DLGAP2: variants seen among roughly 807,000 people sequenced by gnomAD.
DLGAP2 encodes DLG associated protein 2.
Under a neutral mutation model 100.3 loss-of-function variants are expected in DLGAP2, and 26 were observed. The observed-to-expected ratio is 0.26, with a 90% CI of 0.19 to 0.36. DLGAP2 has a LOEUF of 0.36. Among genes scored for constraint, DLGAP2 ranks in the 10% least tolerant of loss-of-function variants. The pLI, the probability that DLGAP2 is intolerant of heterozygous loss-of-function variation, is 1.00. For missense variants in DLGAP2, 1,858 were observed against 1,453.2 expected, an observed-to-expected ratio of 1.28 and a Z score of -4.53; for synonymous variants, 886 against 630.1, an observed-to-expected ratio of 1.41 and a Z score of -6.08.
At chr8:1,530,635 T>C (rs1800958425) in intron 4 of DLGAP2, among the ~76,000 whole-genome samples, 1 of 152,212 alleles carries the variant, frequency 6.6e-6, no homozygotes, top group African/African-American at 2.4e-5. Flanking sequence ...TTACAGTTTA[T>C]GTTTAGAGAC....
At chr8:1,492,481 G>A (rs139517359) in intron 3 of DLGAP2, among the ~76,000 whole-genome samples, 187 of 152,350 alleles carry the variant, frequency 1.2e-3, no homozygotes, top group African/African-American at 4.4e-3. Flanking sequence ...CTCTCAGAGG[G>A]CTGCTTCTGC....
At chr8:926,642 G>A (rs899024036) in intron 2 of DLGAP2, among the ~76,000 whole-genome samples, 1 of 152,244 alleles carries the variant, frequency 6.6e-6, no homozygotes, top group African/African-American at 2.4e-5. Context: ...GAACCGCCTG[G>A]GCGGCCGTGG....
At chr8:1,521,210 G>GC (rs371989555) in intron 4 of DLGAP2, among the ~76,000 whole-genome samples, 3,434 of 64,050 alleles carry the variant, frequency 0.054, 72 homozygotes, top group Middle Eastern at 0.064. Flanking sequence ...GAATACTCGG[G>GC]GGCAGGTGAT....
intron 2 of DLGAP2, among the ~76,000 whole-genome samples, chr8:1,130,972 T>C (rs1325876848): frequency 3.3e-5 from 5 of 152,238 alleles, no homozygotes. Context: ...GGCTGTGTCC[T>C]ACTGTTGCCC....
At chr8:1,286,445 C>T (rs934827438) in intron 3 of DLGAP2, among the ~76,000 whole-genome samples, 3 of 152,210 alleles carry the variant, frequency 2.0e-5, no homozygotes, top group African/African-American at 7.2e-5. Context: ...TCAAAGCAAG[C>T]TCTACCAGTT....
At chr8:758,027 C>A (rs1431222143) in intron 1 of DLGAP2, among the ~76,000 whole-genome samples, 1 of 152,134 alleles carries the variant, frequency 6.6e-6, no homozygotes, top group Non-Finnish European at 1.5e-5. Context: ...ACTGTCCCTG[C>A]CCTGTTATTT....
chr8:1,365,082 G>C (rs1317323788), intron 3 of DLGAP2, among the ~76,000 whole-genome samples: 2 of 152,180 alleles, frequency 1.3e-5, no homozygotes, highest in African/African-American at 4.8e-5. Context: ...ACCCCGCAAG[G>C]ACACGTTTTT....
intron 3 of DLGAP2, among the ~76,000 whole-genome samples, chr8:1,472,792 A>G (rs1199432615): frequency 6.6e-6 from 1 of 152,222 alleles, no homozygotes; most frequent in East Asian, 1.9e-4. Flanking sequence ...GAACTCCCAT[A>G]AAATGCAAAA....
intron 3 of DLGAP2, among the ~76,000 whole-genome samples, chr8:1,392,358 C>T (rs7017920): frequency 0.27 from 40,643 of 151,918 alleles, 5,561 homozygotes; most frequent in Middle Eastern, 0.38. Flanking sequence ...TGCACTCCCA[C>T]GGGGAGGGCT....
chr8:767,991 A>T (rs1375602725), intron 1 of DLGAP2, among the ~76,000 whole-genome samples: 1 of 152,186 alleles, frequency 6.6e-6, no homozygotes, highest in Non-Finnish European at 1.5e-5. Flanking sequence ...GAAAAGCAAC[A>T]CTTCTCTGAT....
At chr8:1,287,658 G>C (rs1316973543) in intron 3 of DLGAP2, among the ~76,000 whole-genome samples, 1 of 101,830 alleles carries the variant, frequency 9.8e-6, no homozygotes, top group Non-Finnish European at 1.9e-5. Context: ...GTGTGTGTGT[G>C]TATGGTTCTG....
At chr8:1,010,216 T>TCA (rs1801236344) in intron 2 of DLGAP2, among the ~76,000 whole-genome samples, 1 of 151,934 alleles carries the variant, frequency 6.6e-6, no homozygotes, top group Non-Finnish European at 1.5e-5. Context: ...CACTCAGATA[T>TCA]CAGTTTTATA....
chr8:1,175,244 T>TAA lies in DLGAP2; in HGVS notation c.74-83598_74-83597dup, dbSNP rs111596666. On this transcript the variant is annotated intron_variant, in intron 2 of 14. Transcript: ENST00000637795. Reference sequence around the variant, plus strand: ...AGAAATGTCTTCACATGCTTGATTTTAAAAAAAAAACCTAAGAAGTGTGTT... The same window carrying TAA: ...AGAAATGTCTTCACATGCTTGATTTTAAAAAAAAAAAACCTAAGAAGTGTGTT... Among the ~76,000 whole-genome samples the TAA allele has an allele frequency of 1.9e-3, 278 of 149,786 alleles. 2 individuals are homozygous for TAA. The highest frequency in any genetic ancestry group is 2.1e-3 in the Non-Finnish European group (143 of 67,294).
At chr8:1,122,281 G>A (rs920210395) in intron 2 of DLGAP2, among the ~76,000 whole-genome samples, 2 of 152,148 alleles carry the variant, frequency 1.3e-5, no homozygotes, top group African/African-American at 4.8e-5. Flanking sequence ...TTCATGACAC[G>A]CACAGGTTTT....
intron 3 of DLGAP2, among the ~76,000 whole-genome samples, chr8:1,287,486 G>GTGTA (rs2116961970): frequency 1.9e-5 from 1 of 53,054 alleles, no homozygotes; most frequent in South Asian, 5.2e-4. Flanking sequence ...GTGTGTGTGT[G>GTGTA]TGTGTGTGTG....
At chr8:1,618,675 G>C (rs1442478337) in intron 6 of DLGAP2, among the ~76,000 whole-genome samples, 1 of 152,180 alleles carries the variant, frequency 6.6e-6, no homozygotes, top group Admixed American at 6.5e-5. Flanking sequence ...GGGACAGTGT[G>C]ATATTCATAT....
At chr8:1,695,703 C>T (rs1383785296) in intron 13 of DLGAP2, among the ~76,000 whole-genome samples, 1 of 152,230 alleles carries the variant, frequency 6.6e-6, no homozygotes, top group African/African-American at 2.4e-5. Context: ...TTGGCGAAGA[C>T]TTCTGGAAGC....
chr8:1,701,511 C>A lies in DLGAP2; in HGVS notation c.*105C>A. On this transcript the variant is annotated 3_prime_UTR_variant, in exon 15 of 15. Transcript: ENST00000637795. ...TGTCTCCTCCTCCCGCTGAACACGTCCTCGCTCCCGCGCTCCCCGCGCCCC... is the reference window on the plus strand; with the variant it reads ...TGTCTCCTCCTCCCGCTGAACACGTACTCGCTCCCGCGCTCCCCGCGCCCC... 1 of 1,227,526 alleles carries A rather than the reference C, an allele frequency of 8.1e-7. No individual in the cohort carries two copies. The highest frequency in any genetic ancestry group is 1.1e-6 in the Non-Finnish European group (1 of 903,016). The allele number at this position is 1,227,526 out of a possible 1,614,324, so 76.0% of individuals were successfully genotyped here. A position where few individuals can be genotyped will look rare whatever the true frequency, so the allele number is the denominator to read the frequency against.
At chr8:1,120,303 T>C (rs1483044754) in intron 2 of DLGAP2, among the ~76,000 whole-genome samples, 1 of 152,060 alleles carries the variant, frequency 6.6e-6, no homozygotes, top group East Asian at 1.9e-4. Flanking sequence ...TCACACTCAT[T>C]AGGCATCTTC....
Sources: allele counts gnomAD v4.1 joint callset (sites outside exome capture counted in the v4.1 genomes callset), GRCh38; gene constraint gnomAD v4.1.1; transcripts MANE v1.5; gene names NCBI Gene and HGNC (gene_info 2026-07-23, HGNC 2026-07-21).